The following ARHGEF7 variants were observed in gnomAD, a reference collection of about 807,000 sequenced individuals.
ARHGEF7 encodes the protein Rho guanine nucleotide exchange factor 7, also known as PAK-interacting exchange factor beta.
A neutral mutation model predicts 109.8 loss-of-function variants in ARHGEF7; 33 were observed. The observed-to-expected ratio is 0.30, with a 90% CI of 0.23 to 0.40. The LOEUF (loss-of-function observed/expected upper bound fraction) is 0.40. ARHGEF7 is among the 10% of genes least tolerant of loss of function. ARHGEF7 has a pLI of 1.00. For synonymous variants in ARHGEF7, 458 were observed against 424.6 expected (o/e 1.08, Z -0.97); for missense variants, 938 against 1,098.5 (o/e 0.85, Z 2.07).
rs1431818669 is a variant in ARHGEF7, at chr13:111,239,128, C to T, written c.760-4744C>T. Among the ~76,000 whole-genome samples, 1 of 152,088 alleles carries T rather than the reference C, an allele frequency of 6.6e-6. No individual in the cohort carries two copies. The highest frequency in any genetic ancestry group is 2.4e-5 in the African/African-American group (1 of 41,416). ...GGGGAACGCGCTGCGTGCCCCTGCT[C>T]CCCCACACCCCCGTGCCATGATTCA... On this transcript the variant is annotated intron_variant, in intron 6 of 21. Coordinates refer to ENST00000646102, the MANE Select transcript of ARHGEF7 (RefSeq NM_001354046.2). This position sits in a 1 kb window ranked among gnomAD's most constrained non-coding sequence, Gnocchi z 4.3.
chr13:111,267,713 T>G, intron 9 of ARHGEF7, 43 bp downstream of exon 9: 1 of 1,608,328 alleles, frequency 6.2e-7, no homozygotes, highest in South Asian at 1.1e-5. Context: ...GGTGGATGGC[T>G]CTGTGTCCTT....
intron 1 of ARHGEF7, among the ~76,000 whole-genome samples, chr13:111,116,785 A>G (rs1197879844): frequency 1.3e-5 from 2 of 152,242 alleles, no homozygotes; most frequent in East Asian, 1.9e-4. Context: ...TCACATGTAC[A>G]TATTCTCTTG....
chr13:111,283,488 G>T (rs562691939), intron 16 of ARHGEF7, 125 bp downstream of exon 16: 10 of 1,417,518 alleles, frequency 7.1e-6, no homozygotes, highest in South Asian at 2.9e-5. Context: ...AACTGAGAAG[G>T]GGGGGTCTGC....
At chr13:111,120,262 A>G (rs549148226) in intron 1 of ARHGEF7, among the ~76,000 whole-genome samples, 18 of 152,366 alleles carry the variant, frequency 1.2e-4, no homozygotes, top group Admixed American at 5.9e-4. Context: ...CTGAAATTCA[A>G]TTTAAATCAG....
intron 4 of ARHGEF7, among the ~76,000 whole-genome samples, chr13:111,216,412 C>A (rs1012169778): frequency 1.3e-5 from 2 of 151,944 alleles, no homozygotes; most frequent in Non-Finnish European, 2.9e-5. Context: ...CACCTGCTGC[C>A]ACCTGGTGGG....
At chr13:111,120,380 C>CA (rs1168679911) in intron 1 of ARHGEF7, among the ~76,000 whole-genome samples, 6 of 152,228 alleles carry the variant, frequency 3.9e-5, no homozygotes, top group African/African-American at 1.4e-4. Context: ...CGCATACATG[C>CA]ACACTTGCAC....
chr13:111,284,620 G>T (rs1386279622), intron 16 of ARHGEF7, among the ~76,000 whole-genome samples: 1 of 152,218 alleles, frequency 6.6e-6, no homozygotes, highest in South Asian at 2.1e-4. Flanking sequence ...TTGAAGTGAA[G>T]ATAAACAATT....
intron 5 of ARHGEF7, among the ~76,000 whole-genome samples, chr13:111,231,994 A>G (rs958818004): frequency 6.6e-6 from 1 of 152,186 alleles, no homozygotes; most frequent in Non-Finnish European, 1.5e-5. Flanking sequence ...CTGGAAAACC[A>G]GTGGTAAACA....
intron 16 of ARHGEF7, 85 bp from the exon 17 acceptor site, chr13:111,286,062 T>C: frequency 1.8e-6 from 2 of 1,096,290 alleles, no homozygotes; most frequent in African/African-American, 1.5e-5. Flanking sequence ...TTTGGGGTTT[T>C]ATACCTTTAC....
At chr13:111,173,107 G>T (rs2077752180) in intron 2 of ARHGEF7, among the ~76,000 whole-genome samples, 1 of 152,108 alleles carries the variant, frequency 6.6e-6, no homozygotes. Flanking sequence ...ATTTTTTAAT[G>T]CCATTTGCTC....
chr13:111,211,353 C>G (rs1186046897), intron 4 of ARHGEF7, among the ~76,000 whole-genome samples: 1 of 152,174 alleles, frequency 6.6e-6, no homozygotes, highest in Non-Finnish European at 1.5e-5. Context: ...TTGGGTAAAG[C>G]TGTGATTTGC....
At position 111,221,139 on chromosome 13, in the gene ARHGEF7, ATATATATATAGATATATATGTC is replaced by A. The variant is rs1419885139; in HGVS notation, c.670+3269_670+3290del. 4.4e-3 allele frequency among the ~76,000 whole-genome samples: 441 copies of A among 100,420 alleles called. 4 individuals carry two copies. Among genetic ancestry groups the A allele is most frequent in the African/African-American group, 0.015 (415 of 27,232 alleles). 65.9% of individuals were successfully genotyped at this position (100,420 alleles called of 152,430 possible). A position where few individuals can be genotyped will look rare whatever the true frequency, so the allele number is the denominator to read the frequency against. ...GTTAATACCTAATAAACTCCCTTTC[ATATATATATAGATATATATGTC>A]TATATATATCTATATAGATATATAT... On this transcript the variant is annotated intron_variant, in intron 5 of 21. Transcript: ENST00000646102.
At chr13:111,153,778 G>A (rs965336327) in intron 1 of ARHGEF7, 127 bp from the exon 2 acceptor site, 3 of 1,372,938 alleles carry the variant, frequency 2.2e-6, no homozygotes, top group Non-Finnish European at 2.8e-6. Context: ...CTCGCTCCAG[G>A]CCGTCGGGGG....
At chr13:111,121,076 C>A (rs1303658726) in intron 1 of ARHGEF7, among the ~76,000 whole-genome samples, 1 of 152,168 alleles carries the variant, frequency 6.6e-6, no homozygotes, top group Non-Finnish European at 1.5e-5. Flanking sequence ...GAGGGGCTGG[C>A]TCAGGTCACC....
chr13:111,213,217 A>G (rs2082710650), intron 4 of ARHGEF7, among the ~76,000 whole-genome samples: 1 of 152,188 alleles, frequency 6.6e-6, no homozygotes, highest in Non-Finnish European at 1.5e-5. Flanking sequence ...AGGCATCAGA[A>G]AGAGGCCGTT....
intron 6 of ARHGEF7, among the ~76,000 whole-genome samples, chr13:111,234,806 C>G (rs2086578471): frequency 6.6e-6 from 1 of 152,096 alleles, no homozygotes; most frequent in Admixed American, 6.5e-5. Flanking sequence ...TTGAGAAGAT[C>G]AGACTCCTTT....
intron 1 of ARHGEF7, among the ~76,000 whole-genome samples, chr13:111,130,358 T>A (rs1014949419): frequency 6.6e-6 from 1 of 152,218 alleles, no homozygotes. Context: ...GATACCTCAA[T>A]ACGGCATATG....
intron 2 of ARHGEF7, chr13:111,203,040 C>G: frequency 7.9e-7 from 1 of 1,261,784 alleles, no homozygotes; most frequent in South Asian, 1.3e-5. Context: ...ATATATAGTT[C>G]TGGAATAACA....
intron 2 of ARHGEF7, among the ~76,000 whole-genome samples, chr13:111,165,070 C>T (rs1402077643): frequency 6.6e-6 from 1 of 152,066 alleles, no homozygotes; most frequent in Non-Finnish European, 1.5e-5. Context: ...AATCAGAGAA[C>T]ATGTAGGGGT....
Sources: allele counts gnomAD v4.1 joint callset (sites outside exome capture counted in the v4.1 genomes callset), GRCh38; gene constraint gnomAD v4.1.1; non-coding constraint Gnocchi (gnomAD v3.1); transcripts MANE v1.5; gene names NCBI Gene and HGNC (gene_info 2026-07-23, HGNC 2026-07-21).